The following STK10 variants were observed in gnomAD, a reference collection of about 807,000 sequenced individuals.
The protein encoded by STK10 is serine/threonine-protein kinase 10.
A neutral mutation model predicts 113.8 loss-of-function variants in STK10; 78 were observed. The ratio of observed to expected loss-of-function variants is 0.69; its 90% confidence interval spans 0.57 to 0.83. STK10 has a LOEUF of 0.83. Among genes scored for constraint, STK10 ranks in the 40% least tolerant of loss-of-function variants. The pLI, the probability that STK10 is intolerant of heterozygous loss-of-function variation, is 0.00. For synonymous variants in STK10, 465 were observed against 494.7 expected, an observed-to-expected ratio of 0.94 and a Z score of 0.80; for missense variants, 1,109 against 1,280.1, an observed-to-expected ratio of 0.87 and a Z score of 2.04.
chr5:172,117,295 A>G (rs1769408541), intron 4 of STK10, among the ~76,000 whole-genome samples, 186 bp downstream of exon 4: 1 of 152,158 alleles, frequency 6.6e-6, no homozygotes. Flanking sequence ...AAAATAAAAT[A>G]AAATAATTGA....
At chr5:172,055,939 A>G (rs933691560) in intron 15 of STK10, among the ~76,000 whole-genome samples, 163 bp from the exon 16 acceptor site, 2 of 152,208 alleles carry the variant, frequency 1.3e-5, no homozygotes, top group Non-Finnish European at 2.9e-5. Context: ...CACTAATAAC[A>G]TTATTTGTTC....
At chr5:172,099,035 TCAC>T (rs1381623248) in intron 7 of STK10, among the ~76,000 whole-genome samples, 1 of 146,992 alleles carries the variant, frequency 6.8e-6, no homozygotes, top group African/African-American at 2.6e-5. Flanking sequence ...ACCATCACCT[TCAC>T]CACCATCACC....
intron 2 of STK10, among the ~76,000 whole-genome samples, chr5:172,134,277 G>A (rs555262384): frequency 6.6e-6 from 1 of 152,310 alleles, no homozygotes; most frequent in East Asian, 1.9e-4. Context: ...TCAAACCAAA[G>A]AGTGAGGGGC....
intron 10 of STK10, among the ~76,000 whole-genome samples, chr5:172,086,532 A>T (rs1768563950): frequency 6.6e-6 from 1 of 152,206 alleles, no homozygotes; most frequent in Non-Finnish European, 1.5e-5. Flanking sequence ...GAGCGAGGGA[A>T]CGGCAGAAGC....
intron 1 of STK10, among the ~76,000 whole-genome samples, chr5:172,159,596 C>T (rs1770425260): frequency 6.6e-6 from 1 of 151,562 alleles, no homozygotes; most frequent in Admixed American, 6.6e-5. Context: ...CCGAGACAGG[C>T]GGATTGCCTG....
At chr5:172,119,708 C>CA (rs543260552) in intron 3 of STK10, among the ~76,000 whole-genome samples, 7,835 of 145,900 alleles carry the variant, frequency 0.054, 344 homozygotes, top group African/African-American at 0.1. Flanking sequence ...ACTAAAAATA[C>CA]AAAAAATTAG....
At chr5:172,063,333 CAT>C (rs1423824172) in intron 13 of STK10, 3 of 152,036 alleles carry the variant, frequency 2.0e-5, no homozygotes, top group Non-Finnish European at 4.4e-5. Context: ...TCTTCTATCA[CAT>C]GTGTTTGAAT....
In STK10 at chr5:172,056,705, T is replaced by TA. The variant is rs34406394; in HGVS notation, c.2337+643dup. On this transcript the variant is annotated intron_variant, in intron 15 of 18. Coordinates refer to ENST00000176763, the MANE Select transcript of STK10 (RefSeq NM_005990.4). ...CAACAGGGTGAAAGCCCAACTCTGC[T>TA]AAAAAAAAAAATACAAAAATTAGCC... 1.1e-3 allele frequency among the ~76,000 whole-genome samples: 162 copies of TA among 144,736 alleles called. 1 individual carries two copies. The highest frequency in any genetic ancestry group is 1.7e-3 in the African/African-American group (66 of 39,232). The allele number at this position is 144,736 out of a possible 152,430, so 95.0% of individuals were successfully genotyped here.
At chr5:172,086,061 C>T (rs768739979) in intron 10 of STK10, among the ~76,000 whole-genome samples, 23 of 152,308 alleles carry the variant, frequency 1.5e-4, no homozygotes, top group Non-Finnish European at 2.6e-4. Flanking sequence ...GGTGCCCGCT[C>T]GGGGAGTCAC....
chr5:172,052,982 T>C lies in STK10; in HGVS notation c.2713A>G (p.Ser905Gly). The change falls in exon 18 of 19, where the codon AGC (serine) becomes GGC (glycine). Residue 905 changes from serine to glycine, a missense_variant. Around this residue, in one of 5 missense-constraint regions of STK10, gnomAD observed 885 missense variants for 991.1 expected, o/e 0.89. Coordinates refer to ENST00000176763, the MANE Select transcript of STK10 (RefSeq NM_005990.4). ...ETQKLKALDE[S>G]HNQNLKEWRD... ...CATTCCTTCAGGTTCTGGTTATGGC[T>C]CTCATCCAGGGCCTTCAGTTTCTGG... is the stretch of plus-strand genomic sequence containing the variant. The C allele has an allele frequency of 1.9e-6, 3 of 1,614,186 alleles. No homozygotes were observed. The highest frequency in any genetic ancestry group is 2.5e-6 in the Non-Finnish European group (3 of 1,180,044).
chr5:172,051,067 A>G (rs1767615697), intron 18 of STK10, among the ~76,000 whole-genome samples: 1 of 151,194 alleles, frequency 6.6e-6, no homozygotes, highest in African/African-American at 2.4e-5. Context: ...GAACCGAGAT[A>G]GCGCCACTCC....
chr5:172,114,120 AC>A (rs1769310063), intron 4 of STK10, among the ~76,000 whole-genome samples: 1 of 152,094 alleles, frequency 6.6e-6, no homozygotes, highest in South Asian at 2.1e-4. Context: ...ACAGAAGGTC[AC>A]CCAGCTGTGC....
intron 10 of STK10, among the ~76,000 whole-genome samples, chr5:172,086,541 G>A (rs751036245): frequency 4.6e-5 from 7 of 152,220 alleles, no homozygotes; most frequent in Non-Finnish European, 8.8e-5. Flanking sequence ...AACGGCAGAA[G>A]CCGTTTTAGG....
At chr5:172,171,586 C>T (rs755968505) in intron 1 of STK10, among the ~76,000 whole-genome samples, 3 of 152,122 alleles carry the variant, frequency 2.0e-5, no homozygotes, top group Non-Finnish European at 2.9e-5. Context: ...TGGTGGCACA[C>T]TCCTGTAGTC....
chr5:172,117,381 A>G, intron 4 of STK10, 100 bp downstream of exon 4: 2 of 1,423,118 alleles, frequency 1.4e-6, no homozygotes, highest in South Asian at 1.3e-5. Flanking sequence ...AGGACCCCAC[A>G]CCCCCATGAG....
intron 2 of STK10, among the ~76,000 whole-genome samples, chr5:172,141,582 CAAA>C (rs71310034): frequency 2.6e-5 from 3 of 116,646 alleles, no homozygotes; most frequent in Admixed American, 9.3e-5. Flanking sequence ...GACCCTGTCT[CAAA>C]AAAAAAAAAA....
At chr5:172,182,117 G>A (rs1432232793) in intron 1 of STK10, among the ~76,000 whole-genome samples, 3 of 151,660 alleles carry the variant, frequency 2.0e-5, no homozygotes, top group Non-Finnish European at 2.9e-5. Flanking sequence ...AGCCTGGCCA[G>A]CATGGTAAAA....
intron 3 of STK10, among the ~76,000 whole-genome samples, chr5:172,118,335 G>T (rs1015180203): frequency 6.6e-6 from 1 of 152,164 alleles, no homozygotes; most frequent in African/African-American, 2.4e-5. Flanking sequence ...CTTACTATGT[G>T]TCTGGCTCTG....
chr5:172,110,566 T>G (rs1002294699), intron 4 of STK10, among the ~76,000 whole-genome samples: 1 of 151,910 alleles, frequency 6.6e-6, no homozygotes, highest in Non-Finnish European at 1.5e-5. Flanking sequence ...GGGGGAGGTA[T>G]TTCCAGGCAG....
Sources: gnomAD v4.1 joint callset for allele counts (sites outside exome capture counted in the v4.1 genomes callset) on GRCh38, gnomAD v4.1.1 for gene constraint, gnomAD v4.1.1 regional missense constraint, MANE v1.5 for transcripts, NCBI Gene and HGNC (gene_info 2026-07-23, HGNC 2026-07-21) for gene names.